MZT1: variants seen among roughly 807,000 people sequenced by gnomAD.
The protein encoded by MZT1 is mitotic spindle organizing protein 1, also known as mitotic-spindle organizing protein 1.
A neutral mutation model predicts 8.5 loss-of-function variants in MZT1; 8 were observed. The observed-to-expected ratio is 0.94, with a 90% confidence interval of 0.55 to 1.70. The LOEUF is 1.70. Among genes scored for constraint, MZT1 ranks in the 40% most tolerant of loss-of-function variants. MZT1 has a pLI of 0.00. For missense variants in MZT1, 93 were observed against 108.6 expected (o/e 0.86, Z 0.64); for synonymous variants, 38 against 42.0 (o/e 0.90, Z 0.37).
In MZT1 at chr13:72,727,512, A is replaced by G; in HGVS notation, c.79+12T>C. On this transcript the variant is annotated intron_variant, in intron 1 of 2. Transcript: ENST00000377818. ...AGGCACGCAAGGTAAAGGGAGCGCA[A>G]CGGAAACTCACCGTCCATGGTCTCC... 6.2e-7 allele frequency: 1 copy of G among 1,613,404 alleles called. No individual in the cohort carries two copies.
intron 1 of MZT1, among the ~76,000 whole-genome samples, chr13:72,724,029 A>C (rs1472030615): frequency 6.6e-6 from 1 of 152,020 alleles, no homozygotes; most frequent in African/African-American, 2.4e-5. Flanking sequence ...GGTTGAGAGC[A>C]AAGAAAACAG....
At chr13:72,720,979 T>A (rs2032587799) in intron 1 of MZT1, among the ~76,000 whole-genome samples, 1 of 152,024 alleles carries the variant, frequency 6.6e-6, no homozygotes, top group Admixed American at 6.6e-5. Context: ...TTTTTGGAGA[T>A]ATGGAGTATA....
Position 72,711,385 on chromosome 13 carries a change from T to C in MZT1, c.226-1040A>G, listed in dbSNP as rs541140651. Among the ~76,000 whole-genome samples the C allele has an allele frequency of 4.6e-5, 7 of 152,294 alleles. No individual in the cohort carries two copies. In the East Asian group the frequency reaches 5.8e-4, roughly 13 times the overall value. ...TAACTTATGTAATTAGGGAGATACA[T>C]AGCTAGCTACTTTTACTATAAATGA... On this transcript the variant is annotated intron_variant, in intron 2 of 2. Transcript: ENST00000377818.
chr13:72,710,453 A>G (rs936182207), intron 2 of MZT1, 108 bp from the exon 3 acceptor site: 2 of 980,256 alleles, frequency 2.0e-6, no homozygotes, highest in Non-Finnish European at 3.2e-6. Flanking sequence ...TATTCCCCAT[A>G]AAACAGAACC....
At chr13:72,721,172 T>C (rs1265308212) in intron 1 of MZT1, among the ~76,000 whole-genome samples, 1 of 152,220 alleles carries the variant, frequency 6.6e-6, no homozygotes, top group Non-Finnish European at 1.5e-5. Flanking sequence ...TTTCTAATTC[T>C]TGAGCTTTAT....
chr13:72,713,202 A>G (rs1231508726), intron 2 of MZT1, among the ~76,000 whole-genome samples: 1 of 152,222 alleles, frequency 6.6e-6, no homozygotes, highest in African/African-American at 2.4e-5. Flanking sequence ...AGGTAAGTAA[A>G]TTAGTCACCA....
intron 1 of MZT1, among the ~76,000 whole-genome samples, chr13:72,724,752 A>ATGTGTG (rs1555270950): frequency 0.027 from 1,526 of 56,644 alleles, 122 homozygotes; most frequent in South Asian, 0.045. Context: ...ACATATATAT[A>ATGTGTG]TGTAAAGTGG....
At chr13:72,718,910 A>T in intron 2 of MZT1, 42 bp downstream of exon 2, 9 of 1,512,756 alleles carry the variant, frequency 5.9e-6, no homozygotes, top group Non-Finnish European at 7.9e-6. Flanking sequence ...TTTTCTAAAT[A>T]AAAGCATCTT....
At chr13:72,726,726 G>A (rs2032664855) in intron 1 of MZT1, among the ~76,000 whole-genome samples, 1 of 136,706 alleles carries the variant, frequency 7.3e-6, no homozygotes, top group Admixed American at 8.0e-5. Flanking sequence ...ACTCCTGGAG[G>A]TAGGGTTTTA....
intron 1 of MZT1, among the ~76,000 whole-genome samples, chr13:72,719,705 C>G (rs1388641821): frequency 1.3e-5 from 2 of 152,172 alleles, no homozygotes; most frequent in Non-Finnish European, 2.9e-5. Flanking sequence ...AACAATTTGA[C>G]AGCGTAATCA....
chr13:72,721,322 C>T (rs1021539295), intron 1 of MZT1, among the ~76,000 whole-genome samples: 1 of 152,076 alleles, frequency 6.6e-6, no homozygotes, highest in Admixed American at 6.6e-5. Flanking sequence ...GTACTGTATC[C>T]AATGTCTTAT....
chr13:72,711,148 G>T (rs984827876), intron 2 of MZT1, among the ~76,000 whole-genome samples: 3 of 151,926 alleles, frequency 2.0e-5, no homozygotes, highest in African/African-American at 7.3e-5. Context: ...AAGACACTGG[G>T]GTACTAAAAT....
chr13:72,719,291 A>T (rs1216916509), intron 1 of MZT1, among the ~76,000 whole-genome samples, 194 bp from the exon 2 acceptor site: 3 of 152,198 alleles, frequency 2.0e-5, no homozygotes, highest in Non-Finnish European at 4.4e-5. Context: ...ATATAAACTT[A>T]CACCTTCCCT....
chr13:72,709,792 A>G lies in MZT1; in HGVS notation c.*530T>C, dbSNP rs952071624. 1 of 152,196 alleles carries G rather than the reference A, an allele frequency of 6.6e-6. No individual in the cohort carries two copies. The highest frequency in any genetic ancestry group is 1.5e-5 in the Non-Finnish European group (1 of 68,004). The allele number at this position is 152,196 out of a possible 1,614,324, so 9.4% of individuals were successfully genotyped here. ...TTTCCATGCTCTTATTTCAAAAAAC[A>G]AGATTCTGATATACATAATGAATCT... On this transcript the variant is annotated 3_prime_UTR_variant, in exon 3 of 3. Coordinates refer to ENST00000377818, the MANE Select transcript of MZT1 (RefSeq NM_001071775.3).
intron 1 of MZT1, among the ~76,000 whole-genome samples, chr13:72,723,607 A>G (rs1031086784): frequency 6.6e-6 from 1 of 152,232 alleles, no homozygotes; most frequent in Non-Finnish European, 1.5e-5. Context: ...CTTGGGTCCC[A>G]TCCCCAAGAT....
At chr13:72,718,825 G>A in intron 2 of MZT1, 127 bp downstream of exon 2, 1 of 877,874 alleles carries the variant, frequency 1.1e-6, no homozygotes, top group Non-Finnish European at 1.7e-6. Flanking sequence ...TTGAGCTCCT[G>A]GTCTTCTAGT....
intron 2 of MZT1, among the ~76,000 whole-genome samples, chr13:72,710,680 T>G (rs2032480465): frequency 6.6e-6 from 1 of 152,130 alleles, no homozygotes; most frequent in Non-Finnish European, 1.5e-5. Flanking sequence ...CTGTGTTTTA[T>G]TCTAGTAATA....
At chr13:72,713,132 C>T (rs2138007040) in intron 2 of MZT1, among the ~76,000 whole-genome samples, 1 of 152,294 alleles carries the variant, frequency 6.6e-6, no homozygotes, top group Non-Finnish European at 1.5e-5. Flanking sequence ...AAGTAAACAA[C>T]TCTGAAGTCA....
Position 72,710,699 on chromosome 13 carries a change from A to C in MZT1, c.226-354T>G, listed in dbSNP as rs116353270. On this transcript the variant is annotated intron_variant, in intron 2 of 2. Coordinates refer to ENST00000377818, the MANE Select transcript of MZT1 (RefSeq NM_001071775.3). Reference sequence around the variant, plus strand: ...GTTTTATTCTAGTAATAGGGATTAAAAATGAAAAAGACCTTTCATGCTACA... The same window carrying C: ...GTTTTATTCTAGTAATAGGGATTAACAATGAAAAAGACCTTTCATGCTACA... Among the ~76,000 whole-genome samples the C allele has an allele frequency of 5.6e-3, 860 of 152,274 alleles. 10 individuals are homozygous for C. Among genetic ancestry groups the C allele is most frequent in the African/African-American group, 0.019 (794 of 41,566 alleles).
Sources: gnomAD v4.1 joint callset for allele counts (sites outside exome capture counted in the v4.1 genomes callset) on GRCh38, gnomAD v4.1.1 for gene constraint, MANE v1.5 for transcripts, NCBI Gene and HGNC (gene_info 2026-07-23, HGNC 2026-07-21) for gene names.